Variants in BMP2K observed in about 807,000 individuals in gnomAD.
BMP2K encodes the protein BMP-2-inducible protein kinase.
BMP2K carries 74 observed loss-of-function variants against 116.0 expected under a neutral mutation model. The ratio of observed to expected loss-of-function variants is 0.64; its 90% CI spans 0.53 to 0.77. The LOEUF (loss-of-function observed/expected upper bound fraction) is 0.77. BMP2K is among the 30% of genes least tolerant of loss of function. The pLI is 0.00. For missense variants in BMP2K, 1,365 were observed against 1,403.6 expected, an observed-to-expected ratio of 0.97 and a Z score of 0.44; for synonymous variants, 486 against 502.5, an observed-to-expected ratio of 0.97 and a Z score of 0.44.
intron 1 of BMP2K, among the ~76,000 whole-genome samples, chr4:78,822,276 G>A (rs957336833): frequency 6.6e-6 from 1 of 152,094 alleles, no homozygotes; most frequent in African/African-American, 2.4e-5. Context: ...TGTATGTGGA[G>A]ACCAGAGGTA....
At chr4:78,898,705 A>G (rs1011005851) in intron 15 of BMP2K, 12 of 151,764 alleles carry the variant, frequency 7.9e-5, no homozygotes, top group African/African-American at 2.9e-4. Context: ...CTGCAACAAA[A>G]TGACTACAGA....
intron 1 of BMP2K, among the ~76,000 whole-genome samples, chr4:78,787,689 G>A (rs1332448544): frequency 2.6e-5 from 4 of 152,068 alleles, no homozygotes; most frequent in Non-Finnish European, 4.4e-5. Context: ...AAACAAATGA[G>A]CATTAACTTT....
intron 15 of BMP2K, among the ~76,000 whole-genome samples, chr4:78,888,379 TC>T (rs1733221394): frequency 6.6e-6 from 1 of 152,202 alleles, no homozygotes. Context: ...ATTATTACTG[TC>T]TAAAATTATA....
At chr4:78,811,940 A>G (rs1729111902) in intron 1 of BMP2K, among the ~76,000 whole-genome samples, 1 of 152,126 alleles carries the variant, frequency 6.6e-6, no homozygotes, top group Admixed American at 6.6e-5. Context: ...AGAAGTGGGA[A>G]ATTTCCCACA....
Position 78,906,396 on chromosome 4 carries a change from C to G in BMP2K, c.2063-4214C>G, listed in dbSNP as rs539342082. Among the ~76,000 whole-genome samples, 11 of 152,110 alleles carry G rather than the reference C, an allele frequency of 7.2e-5. No homozygotes were observed. In the East Asian group the frequency reaches 1.9e-3, roughly 27 times the overall value. ...ATAAGTAAAACCAGTCTATCTACAC[C>G]AACAGAAAATTTCCCCAGTTGCCCG... On this transcript the variant is annotated intron_variant, in intron 15 of 15. Coordinates refer to ENST00000502613, the MANE Select transcript of BMP2K (RefSeq NM_198892.2).
At chr4:78,895,855 G>A (rs1733673638) in intron 15 of BMP2K, among the ~76,000 whole-genome samples, 1 of 151,224 alleles carries the variant, frequency 6.6e-6, no homozygotes, top group Non-Finnish European at 1.5e-5. Flanking sequence ...TTGAACTCCT[G>A]AGCTCAAGCA....
At chr4:78,840,618 C>CT (rs902700906) in intron 3 of BMP2K, among the ~76,000 whole-genome samples, 24 of 151,702 alleles carry the variant, frequency 1.6e-4, no homozygotes, top group South Asian at 2.1e-4. Flanking sequence ...GACTTTTTAC[C>CT]TTTTTTTTAA....
intron 5 of BMP2K, among the ~76,000 whole-genome samples, chr4:78,846,285 G>A (rs1470450847): frequency 3.3e-5 from 5 of 151,566 alleles, no homozygotes; most frequent in Non-Finnish European, 7.4e-5. Context: ...ATGCTGGGGT[G>A]GGGGTATAGT....
intron 1 of BMP2K, among the ~76,000 whole-genome samples, 156 bp downstream of exon 1, chr4:78,776,877 C>G (rs1168364792): frequency 1.3e-5 from 2 of 152,138 alleles, no homozygotes; most frequent in Non-Finnish European, 2.9e-5. Flanking sequence ...CTCGGGCTTT[C>G]TCTCTTAAGC....
intron 15 of BMP2K, among the ~76,000 whole-genome samples, chr4:78,899,508 G>T (rs1347805904): frequency 2.0e-5 from 3 of 152,128 alleles, no homozygotes; most frequent in Non-Finnish European, 2.9e-5. Flanking sequence ...GGTAGTTCAT[G>T]CCAGTTAGAA....
intron 1 of BMP2K, among the ~76,000 whole-genome samples, chr4:78,789,503 CTT>C (rs896088355): frequency 6.6e-6 from 1 of 152,020 alleles, no homozygotes; most frequent in African/African-American, 2.4e-5. Flanking sequence ...GACCTCGGGA[CTT>C]TTAATAGTCT....
intron 13 of BMP2K, among the ~76,000 whole-genome samples, chr4:78,873,705 T>TGTGTGTGTGTGTATGC (rs1491145160): frequency 8.9e-5 from 13 of 146,238 alleles, no homozygotes; most frequent in Non-Finnish European, 1.8e-4. Context: ...TGTGTGTGTG[T>TGTGTGTGTGTGTATGC]ATGCATGCAT....
intron 7 of BMP2K, among the ~76,000 whole-genome samples, chr4:78,855,703 ATTG>A (rs1273847353): frequency 1.3e-5 from 2 of 152,138 alleles, no homozygotes; most frequent in African/African-American, 2.4e-5. Flanking sequence ...AATAAGAAAT[ATTG>A]TTGTAGTTTT....
intron 9 of BMP2K, 137 bp from the exon 10 acceptor site, chr4:78,865,420 C>T (rs1731995538): frequency 2.6e-6 from 2 of 775,476 alleles, no homozygotes; most frequent in African/African-American, 1.8e-5. Context: ...TGAAAATGAG[C>T]CTTAGGAGAA....
chr4:78,896,986 G>C (rs1733736085), intron 15 of BMP2K, among the ~76,000 whole-genome samples: 1 of 152,048 alleles, frequency 6.6e-6, no homozygotes, highest in Non-Finnish European at 1.5e-5. Flanking sequence ...TACTTGGGAA[G>C]CTTAATCTTA....
At chr4:78,849,714 T>G (rs1731162138) in intron 6 of BMP2K, among the ~76,000 whole-genome samples, 1 of 151,700 alleles carries the variant, frequency 6.6e-6, no homozygotes, top group Non-Finnish European at 1.5e-5. Context: ...GAACCTGTTA[T>G]CCCTACTTCA....
chr4:78,843,814 A>G (rs895602971), intron 4 of BMP2K, among the ~76,000 whole-genome samples: 1 of 151,882 alleles, frequency 6.6e-6, no homozygotes, highest in Non-Finnish European at 1.5e-5. Context: ...TTTTGCATGC[A>G]AAGTTGATAT....
intron 1 of BMP2K, among the ~76,000 whole-genome samples, chr4:78,782,870 A>T (rs950637881): frequency 5.9e-5 from 9 of 152,158 alleles, no homozygotes; most frequent in Non-Finnish European, 1.0e-4. Flanking sequence ...GTCCAGTAGT[A>T]CTTACTCAGC....
chr4:78,910,537 C>T (rs1429116167), intron 15 of BMP2K, 73 bp from the exon 16 acceptor site: 1 of 1,205,936 alleles, frequency 8.3e-7, no homozygotes, highest in Non-Finnish European at 1.1e-6. Context: ...ATGTGTAATA[C>T]ATATTAACAT....
Sources: allele counts gnomAD v4.1 joint callset (sites outside exome capture counted in the v4.1 genomes callset), GRCh38; gene constraint gnomAD v4.1.1; transcripts MANE v1.5; gene names NCBI Gene and HGNC (gene_info 2026-07-23, HGNC 2026-07-21).